Variants in ZNF226 observed in about 807,000 individuals in gnomAD.
The protein encoded by ZNF226 is Kruppel-associated box protein.
ZNF226 carries 6 observed loss-of-function variants against 11.4 expected under a neutral mutation model. The ratio of observed to expected loss-of-function variants is 0.53; its 90% CI spans 0.29 to 1.04. ZNF226 has a LOEUF of 1.04. ZNF226 is among the 50% of genes least tolerant of loss of function. The pLI is 0.08. For missense variants in ZNF226, 1,058 were observed against 956.5 expected, an observed-to-expected ratio of 1.11 and a Z score of -1.40; for synonymous variants, 350 against 322.8, an observed-to-expected ratio of 1.08 and a Z score of -0.90.
chr19:44,175,762 T>C lies in ZNF226; in HGVS notation c.500T>C (p.Leu167Ser), dbSNP rs1970614522. The C allele has an allele frequency of 2.5e-6, 4 of 1,613,612 alleles. No homozygotes were observed. Among genetic ancestry groups the C allele is most frequent in the Non-Finnish European group, 3.4e-6 (4 of 1,179,716 alleles). Residue 167 changes from leucine (L) to serine (S), a missense_variant, in exon 6 of 6, where the codon TTG becomes TCG. Coordinates refer to ENST00000337433, the MANE Select transcript of ZNF226 (RefSeq NM_001032373.2). ...NNTGNPEFPI[L>S]RTQDSWRKTF... ...ACTGGGAATCCAGAGTTTCCTATCT[T>C]GAGAACCCAGGATTCTTGGAGGAAA...
In ZNF226 at chr19:44,175,758, ATC is replaced by A; in HGVS notation, c.498_499del (p.Leu167GlufsTer13). 1.2e-6 allele frequency: 2 copies of A among 1,613,544 alleles called. No homozygotes were observed. The highest frequency in any genetic ancestry group is 2.2e-5 in the East Asian group (1 of 44,866). On this transcript the variant is annotated frameshift_variant, in exon 6 of 6. Coordinates refer to ENST00000337433, the MANE Select transcript of ZNF226 (RefSeq NM_001032373.2). LOFTEE classifies it low-confidence loss of function (END_TRUNC). ...PNNTGNPEFP[I>X]LRTQDSWRKT... ...TAATACTGGGAATCCAGAGTTTCCTATCTTGAGAACCCAGGATTCTTGGAGGA... is the reference window on the plus strand; with the variant it reads ...TAATACTGGGAATCCAGAGTTTCCTATTGAGAACCCAGGATTCTTGGAGGA...
At chr19:44,178,359 CTGTT>C (rs1451782475), downstream of ZNF226, 1 of 152,124 alleles carries the variant, frequency 6.6e-6, no homozygotes, top group Non-Finnish European at 1.5e-5. Flanking sequence ...TTTTTCAACA[CTGTT>C]AAGGCAGGGG....
At chr19:44,191,957 A>G in the ZNF226 span, among the ~76,000 whole-genome samples, 10 of 152,242 alleles carry the variant, frequency 6.6e-5, no homozygotes, top group Admixed American at 2.6e-4. Flanking sequence ...ACCCATTTCA[A>G]TAACCTGGAA....
At chr19:44,174,906 C>G in intron 5 of ZNF226, 1 of 1,364,422 alleles carries the variant, frequency 7.3e-7, no homozygotes, top group Non-Finnish European at 1.0e-6. Flanking sequence ...CAATAACTCA[C>G]TTGGTGTACC....
At chr19:44,192,282 G>C in the ZNF226 span, among the ~76,000 whole-genome samples, 6 of 152,154 alleles carry the variant, frequency 3.9e-5, no homozygotes, top group Non-Finnish European at 8.8e-5. Flanking sequence ...ACTGGAGAGA[G>C]AGCCAGAGAG....
chr19:44,195,003 T>C, the ZNF226 span, among the ~76,000 whole-genome samples: 1 of 152,170 alleles, frequency 6.6e-6, no homozygotes, highest in Admixed American at 6.5e-5. Flanking sequence ...AAGCCAGGCT[T>C]GCAGAGCAAA....
chr19:44,195,856 A>G, the ZNF226 span, among the ~76,000 whole-genome samples: 206 of 152,334 alleles, frequency 1.4e-3, 1 homozygote, highest in African/African-American at 4.8e-3. Context: ...GGAGTTTGCT[A>G]TAATCAATTG....
chr19:44,172,742 A>G, intron 4 of ZNF226, 118 bp from the exon 5 acceptor site: 2 of 769,242 alleles, frequency 2.6e-6, no homozygotes. Flanking sequence ...TCACAATTTA[A>G]ATAAAAGTTT....
At chr19:44,178,599 A>G (rs1225644239), downstream of ZNF226, among the ~76,000 whole-genome samples, 1 of 152,206 alleles carries the variant, frequency 6.6e-6, no homozygotes, top group Admixed American at 6.5e-5. Context: ...TTCATCAAAA[A>G]TCGATTTTTG....
At position 44,175,769 on chromosome 19, in the gene ZNF226, C is replaced by T. The variant is rs562113721; in HGVS notation, c.507C>T (p.Thr169=). 3.7e-6 allele frequency: 6 copies of T among 1,613,536 alleles called. No individual in the cohort carries two copies. Among genetic ancestry groups the T allele is most frequent in the Non-Finnish European group, 5.1e-6 (6 of 1,179,714 alleles). Reference sequence around the variant, plus strand: ...ATCCAGAGTTTCCTATCTTGAGAACCCAGGATTCTTGGAGGAAAACATTCC... The same window carrying T: ...ATCCAGAGTTTCCTATCTTGAGAACTCAGGATTCTTGGAGGAAAACATTCC... ...TGNPEFPILR[T]QDSWRKTFLT... is the part of the protein sequence containing the mutation. The change falls in exon 6 of 6, where the codon ACC becomes ACT. Residue 169 remains threonine (T), a synonymous_variant. Transcript: ENST00000337433.
At chr19:44,170,925 A>T (rs928661937) in intron 3 of ZNF226, among the ~76,000 whole-genome samples, 1 of 151,890 alleles carries the variant, frequency 6.6e-6, no homozygotes, top group African/African-American at 2.4e-5. Context: ...AAAAAAAAAA[A>T]AATTAATAGA....
chr19:44,175,240 T>G, intron 5 of ZNF226: 2 of 1,398,778 alleles, frequency 1.4e-6, no homozygotes, highest in South Asian at 3.5e-5. Context: ...AATAAAAAAT[T>G]TAGATAGTAT....
chr19:44,173,033 G>C (rs1355031147), intron 5 of ZNF226, 81 bp downstream of exon 5: 3 of 1,331,440 alleles, frequency 2.3e-6, no homozygotes, highest in Non-Finnish European at 3.2e-6. Flanking sequence ...CCATCACCTG[G>C]TCCAAATTGC....
chr19:44,172,350 G>A (rs1014113670), intron 4 of ZNF226, 136 bp downstream of exon 4: 12 of 1,184,632 alleles, frequency 1.0e-5, no homozygotes, highest in Non-Finnish European at 1.4e-5. Context: ...GATGTTTCTG[G>A]TCTTTCTGAA....
Position 44,176,402 on chromosome 19 carries a change from C to T in ZNF226, c.1140C>T (p.Asp380=). The part of the protein sequence containing the change: ...RAFSQASHLQ[D]HQRLHTGEKP... ...TCAGTCAGGCCTCTCATCTTCAGGA[C>T]CATCAGAGACTCCACACTGGGGAGA... Residue 380 remains aspartate, a synonymous_variant, in exon 6 of 6, where the codon GAC becomes GAT. Coordinates refer to ENST00000337433, the MANE Select transcript of ZNF226 (RefSeq NM_001032373.2). 6.2e-7 allele frequency: 1 copy of T among 1,613,918 alleles called. No homozygotes were observed. Among genetic ancestry groups the T allele is most frequent in the Non-Finnish European group, 8.5e-7 (1 of 1,179,954 alleles).
intron 5 of ZNF226, chr19:44,175,137 G>C: frequency 6.5e-7 from 1 of 1,531,606 alleles, no homozygotes; most frequent in Non-Finnish European, 8.7e-7. Flanking sequence ...ATGAATGACT[G>C]CCGGGCAGTA....
At chr19:44,174,620 T>C (rs1016271061) in intron 5 of ZNF226, 11 of 166,784 alleles carry the variant, frequency 6.6e-5, no homozygotes, top group Non-Finnish European at 9.0e-5. Context: ...TATTCTGATA[T>C]GATACTTTAT....
chr19:44,177,736 T>G, downstream of ZNF226: 1 of 1,494,302 alleles, frequency 6.7e-7, no homozygotes. Flanking sequence ...AGTCAGTGTT[T>G]CAGCCGTAGC....
chr19:44,196,756 A>C, the ZNF226 span, among the ~76,000 whole-genome samples: 4 of 152,230 alleles, frequency 2.6e-5, no homozygotes, highest in Non-Finnish European at 5.9e-5. Context: ...GATAGAATTC[A>C]CTAAACTTAC....
Sources: gnomAD v4.1 joint callset for allele counts (sites outside exome capture counted in the v4.1 genomes callset) on GRCh38, gnomAD v4.1.1 for gene constraint, MANE v1.5 for transcripts, NCBI Gene and HGNC (gene_info 2026-07-23, HGNC 2026-07-21) for gene names.